The following ERLEC1 variants were observed in gnomAD, a reference collection of about 807,000 sequenced individuals.
The protein encoded by ERLEC1 is ER lectin.
A neutral mutation model predicts 68.0 loss-of-function variants in ERLEC1; 47 were observed. That is an observed-to-expected ratio of 0.69 (90% CI 0.55 to 0.88). The LOEUF (loss-of-function observed/expected upper bound fraction) is 0.88, where lower values mean the gene tolerates loss of function less well. Among genes scored for constraint, ERLEC1 ranks in the 40% least tolerant of loss-of-function variants. The pLI is 0.00. For missense variants in ERLEC1, 567 were observed against 583.8 expected, an observed-to-expected ratio of 0.97 and a Z score of 0.30; for synonymous variants, 225 against 203.2, an observed-to-expected ratio of 1.11 and a Z score of -0.91.
intron 3 of ERLEC1, among the ~76,000 whole-genome samples, chr2:53,796,831 C>G (rs1675731813): frequency 6.6e-6 from 1 of 151,486 alleles, no homozygotes; most frequent in African/African-American, 2.4e-5. Flanking sequence ...AATAACAAAT[C>G]ATATCACTTA....
chr2:53,814,162 A>T (rs1341869303), intron 11 of ERLEC1, among the ~76,000 whole-genome samples: 1 of 152,214 alleles, frequency 6.6e-6, no homozygotes, highest in South Asian at 2.1e-4. Context: ...CAGTATTTTA[A>T]TGGGAGTAGC....
intron 8 of ERLEC1, among the ~76,000 whole-genome samples, chr2:53,806,567 T>G (rs1676304111): frequency 6.6e-6 from 1 of 152,198 alleles, no homozygotes; most frequent in Non-Finnish European, 1.5e-5. Context: ...ACAATAAAGT[T>G]CAGAGACTTT....
chr2:53,802,061 T>C (rs1676035728), intron 8 of ERLEC1, among the ~76,000 whole-genome samples: 1 of 152,192 alleles, frequency 6.6e-6, no homozygotes, highest in African/African-American at 2.4e-5. Flanking sequence ...TTTCATAATA[T>C]TTTAAAGTTT....
At chr2:53,817,481 C>A (rs1676962733) in intron 13 of ERLEC1, among the ~76,000 whole-genome samples, 1 of 152,194 alleles carries the variant, frequency 6.6e-6, no homozygotes, top group Admixed American at 6.5e-5. Flanking sequence ...TCTGGTCATA[C>A]ATGTTTTCTT....
chr2:53,806,104 A>G (rs1573092035), intron 8 of ERLEC1, among the ~76,000 whole-genome samples: 1 of 152,302 alleles, frequency 6.6e-6, no homozygotes, highest in African/African-American at 2.4e-5. Context: ...CCATACAGAT[A>G]AACACTTTTT....
At chr2:53,787,426 G>C in intron 1 of ERLEC1, 54 bp downstream of exon 1, 4 of 1,538,848 alleles carry the variant, frequency 2.6e-6, no homozygotes, top group South Asian at 2.4e-5. Context: ...CTAAGGGTTC[G>C]GCCTCTTCCC....
chr2:53,791,823 T>C (rs1675407644), intron 1 of ERLEC1, among the ~76,000 whole-genome samples: 1 of 151,344 alleles, frequency 6.6e-6, no homozygotes, highest in Non-Finnish European at 1.5e-5. Context: ...TAAATGTTTC[T>C]AAGAAATTCT....
At position 53,787,132 on chromosome 2, in the gene ERLEC1, C is replaced by CCAA; in HGVS notation, c.-78_-77insAAC. 1.6e-6 allele frequency: 2 copies of CCAA among 1,236,408 alleles called. No individual in the cohort carries two copies. Among genetic ancestry groups the CCAA allele is most frequent in the Non-Finnish European group, 1.1e-6 (1 of 936,808 alleles). 76.6% of individuals were successfully genotyped at this position (1,236,408 alleles called of 1,614,324 possible). On this transcript the variant is annotated 5_prime_UTR_variant, in exon 1 of 14. Transcript: ENST00000185150. ...GCGCTTTATAGTCCCGCCGCCTCCT[C>CCAA]CTCCACCTCCTCCTCCTCCTCCTCT...
chr2:53,797,913 T>C lies in ERLEC1; in HGVS notation c.490+118T>C, dbSNP rs201943752. The C allele has an allele frequency of 1.7e-4, 158 of 940,230 alleles. No individual in the cohort carries two copies. In the East Asian group the frequency reaches 3.6e-3, roughly 22 times the overall value. 58.2% of individuals were successfully genotyped at this position (940,230 alleles called of 1,614,324 possible). On this transcript the variant is annotated intron_variant, in intron 5 of 13. Coordinates refer to ENST00000185150, the MANE Select transcript of ERLEC1 (RefSeq NM_015701.5). ...TTGTGTGAATTTTAAAATACTGAAA[T>C]AGGCTGGGCGCGGTGGCTGACGCGT...
intron 8 of ERLEC1, among the ~76,000 whole-genome samples, chr2:53,804,144 A>C (rs1676153707): frequency 6.6e-6 from 1 of 152,240 alleles, no homozygotes; most frequent in Admixed American, 6.5e-5. Flanking sequence ...AAAAAATGAA[A>C]ATAAAAAAAT....
At chr2:53,807,874 A>AAC (rs1558602939) in intron 8 of ERLEC1, among the ~76,000 whole-genome samples, 2 of 149,076 alleles carry the variant, frequency 1.3e-5, no homozygotes, top group African/African-American at 2.5e-5. Flanking sequence ...ACAACAACAA[A>AAC]AAATGCCAGG....
chr2:53,800,273 A>G (rs904812045), intron 6 of ERLEC1, among the ~76,000 whole-genome samples: 1 of 152,156 alleles, frequency 6.6e-6, no homozygotes, highest in South Asian at 2.1e-4. Context: ...CGCAATGCCA[A>G]TATCAAATAC....
At chr2:53,797,115 G>A (rs958080722) in intron 3 of ERLEC1, among the ~76,000 whole-genome samples, 7 of 152,018 alleles carry the variant, frequency 4.6e-5, no homozygotes, top group Admixed American at 3.9e-4. Context: ...AGCTGGTCTC[G>A]AACTCCTGGT....
intron 10 of ERLEC1, among the ~76,000 whole-genome samples, chr2:53,810,057 G>C (rs1206523631): frequency 6.6e-6 from 1 of 152,058 alleles, no homozygotes; most frequent in Non-Finnish European, 1.5e-5. Context: ...TCTCAAAAAA[G>C]CGAGACTCCT....
At chr2:53,813,142 C>A in intron 11 of ERLEC1, 69 bp downstream of exon 11, 2 of 1,537,674 alleles carry the variant, frequency 1.3e-6, no homozygotes, top group East Asian at 2.3e-5. Flanking sequence ...TATTGAAAAA[C>A]ATAAAAATTC....
chr2:53,811,623 A>G (rs1169985489), intron 10 of ERLEC1, among the ~76,000 whole-genome samples: 3 of 152,104 alleles, frequency 2.0e-5, no homozygotes, highest in Non-Finnish European at 4.4e-5. Context: ...TTTAATATTC[A>G]TAACAACCTT....
chr2:53,803,060 T>C (rs1420738542), intron 8 of ERLEC1, among the ~76,000 whole-genome samples: 1 of 152,234 alleles, frequency 6.6e-6, no homozygotes, highest in African/African-American at 2.4e-5. Flanking sequence ...AGATAACTAC[T>C]TCCTCTTCTG....
rs1180134841 is a variant in ERLEC1 at position 53,818,294 on chromosome 2, T to A, written c.*325T>A. 5.6e-6 allele frequency: 1 copy of A among 177,274 alleles called. No homozygotes were observed. The highest frequency in any genetic ancestry group is 1.2e-5 in the Non-Finnish European group (1 of 83,494). 11.0% of individuals were successfully genotyped at this position (177,274 alleles called of 1,614,324 possible). A position where few individuals can be genotyped will look rare whatever the true frequency, so the allele number is the denominator to read the frequency against. On this transcript the variant is annotated 3_prime_UTR_variant, in exon 14 of 14. Coordinates refer to ENST00000185150, the MANE Select transcript of ERLEC1 (RefSeq NM_015701.5). ...CAAATGTCATAATTGTTGTACCTAT[T>A]GAAAGTTTTTAAATAATAGATTTAT... is the stretch of plus-strand genomic sequence containing the variant.
intron 8 of ERLEC1, 82 bp downstream of exon 8, chr2:53,801,924 G>C (rs1254201989): frequency 1.7e-6 from 2 of 1,156,736 alleles, no homozygotes; most frequent in Non-Finnish European, 2.5e-6. Context: ...AATGATTTCT[G>C]TAGTATAATG....
Sources: allele counts gnomAD v4.1 joint callset (sites outside exome capture counted in the v4.1 genomes callset), GRCh38; gene constraint gnomAD v4.1.1; transcripts MANE v1.5; gene names NCBI Gene and HGNC (gene_info 2026-07-23, HGNC 2026-07-21).